The following SMARCAD1 variants were observed in gnomAD, a reference collection of about 807,000 sequenced individuals.
SMARCAD1 encodes SNF2 related chromatin remodeling ATPase with DExD box 1.
In SMARCAD1, 25 loss-of-function variants were observed where a neutral mutation model predicts 127.1. The observed-to-expected ratio is 0.20, with a 90% CI of 0.14 to 0.27. SMARCAD1 has a LOEUF of 0.27. Among genes scored for constraint, SMARCAD1 ranks in the 10% least tolerant of loss-of-function variants. The pLI, the probability that SMARCAD1 is intolerant of heterozygous loss-of-function variation, is 1.00. For synonymous variants in SMARCAD1, 400 were observed against 396.9 expected, an observed-to-expected ratio of 1.01 and a Z score of -0.09; for missense variants, 807 against 1,206.0, an observed-to-expected ratio of 0.67 and a Z score of 4.90.
chr4:94,233,155 G>A (rs545931531), intron 3 of SMARCAD1, among the ~76,000 whole-genome samples: 33 of 152,272 alleles, frequency 2.2e-4, no homozygotes, highest in African/African-American at 7.9e-4. Context: ...TAGCAGCATA[G>A]CAAAGTCTGA....
In SMARCAD1 at chr4:94,208,230, T is replaced by C. The variant is rs758604550; in HGVS notation, c.-49-116T>C. Reference sequence around the variant, plus strand: ...TAACAATGAAGCGCAGCCATAACAGTCCTGAGCCACTGGCATGTTTGCGGG... The same window carrying C: ...TAACAATGAAGCGCAGCCATAACAGCCCTGAGCCACTGGCATGTTTGCGGG... On this transcript the variant is annotated intron_variant, in intron 1 of 23. Coordinates refer to ENST00000354268, the MANE Select transcript of SMARCAD1 (RefSeq NM_020159.5). 6.5e-6 allele frequency: 5 copies of C among 766,476 alleles called. No individual in the cohort carries two copies. In the Admixed American group the frequency reaches 9.4e-5, roughly 14 times the overall value. The allele number at this position is 766,476 out of a possible 1,614,324, so 47.5% of individuals were successfully genotyped here.
chr4:94,245,441 C>T (rs1399849512), intron 6 of SMARCAD1, among the ~76,000 whole-genome samples: 1 of 152,146 alleles, frequency 6.6e-6, no homozygotes, highest in African/African-American at 2.4e-5. Flanking sequence ...GTGTGGCATC[C>T]GGATGAATTT....
In SMARCAD1 at chr4:94,258,175, C is replaced by T. The variant is rs377021984; in HGVS notation, c.1281+5168C>T. On this transcript the variant is annotated intron_variant, in intron 9 of 23. Transcript: ENST00000354268. ...TTTTTTTTTTTTCTTTTCCTTCTTT[C>T]AGACAGTCTTGCCCTGTCACCCAGG... Among the ~76,000 whole-genome samples, 10 of 149,332 alleles carry T rather than the reference C, an allele frequency of 6.7e-5. No homozygotes were observed. The East Asian group carries it at 1.6e-3, about 24-fold the overall frequency.
intron 8 of SMARCAD1, among the ~76,000 whole-genome samples, chr4:94,251,197 C>T (rs897747027): frequency 6.6e-6 from 1 of 152,094 alleles, no homozygotes; most frequent in Non-Finnish European, 1.5e-5. Flanking sequence ...ATGTAGATGT[C>T]TTAGCCTATA....
At chr4:94,273,362 T>C (rs1250211376) in intron 11 of SMARCAD1, among the ~76,000 whole-genome samples, 1 of 152,210 alleles carries the variant, frequency 6.6e-6, no homozygotes, top group Non-Finnish European at 1.5e-5. Flanking sequence ...AAGTCTTCCA[T>C]ATTAATGTGT....
intron 10 of SMARCAD1, among the ~76,000 whole-genome samples, chr4:94,266,759 C>G (rs974857318): frequency 2.0e-5 from 3 of 152,070 alleles, no homozygotes; most frequent in Non-Finnish European, 4.4e-5. Context: ...ACAAGTTCTT[C>G]ATGACGAAGT....
chr4:94,278,750 A>G lies in SMARCAD1; in HGVS notation c.2296+17A>G, dbSNP rs72665680. The stretch of plus-strand genomic sequence containing the variant: ...ATAACTTGGGTATAATCTGATTTTT[A>G]CTCTTTTATGTGAAAAAGAATCTTG... On this transcript the variant is annotated intron_variant, in intron 18 of 23. Transcript: ENST00000354268. 5.9e-3 allele frequency: 9,567 copies of G among 1,610,220 alleles called. 38 individuals are homozygous for G. The highest frequency in any genetic ancestry group is 7.5e-3 in the Non-Finnish European group (8,786 of 1,176,564).
At chr4:94,262,681 A>C (rs1478909333) in intron 9 of SMARCAD1, among the ~76,000 whole-genome samples, 1 of 152,000 alleles carries the variant, frequency 6.6e-6, no homozygotes, top group Non-Finnish European at 1.5e-5. Flanking sequence ...TTCTTTTATT[A>C]TTTCTGGCTT....
At chr4:94,289,207 T>C (rs1284621064) in intron 23 of SMARCAD1, among the ~76,000 whole-genome samples, 1 of 152,144 alleles carries the variant, frequency 6.6e-6, no homozygotes. Context: ...TACGATCCAG[T>C]GTATTACCGT....
Position 94,280,657 on chromosome 4 carries a change from C to A in SMARCAD1, c.2484C>A (p.Phe828Leu). The change falls in exon 20 of 24, where the codon TTC becomes TTA. Residue 828 changes from phenylalanine to leucine, a missense_variant. Around this residue, in one of 8 missense-constraint regions of SMARCAD1, gnomAD observed 99 missense variants for 126.0 expected, o/e 0.79. Transcript: ENST00000354268. ...AAGATATGGAAGTTATGACAGACTT[C>A]GAACTACATGTACTTTGTAAACAGT... Reference protein sequence around the residue: ...IFEDMEVMTDFELHVLCKQYR... With the variant: ...IFEDMEVMTDLELHVLCKQYR... The A allele has an allele frequency of 3.7e-6, 6 of 1,613,732 alleles. No individual in the cohort carries two copies. The highest frequency in any genetic ancestry group is 5.1e-6 in the Non-Finnish European group (6 of 1,179,848).
intron 10 of SMARCAD1, 43 bp from the exon 11 acceptor site, chr4:94,270,685 A>G: frequency 6.6e-7 from 1 of 1,517,964 alleles, no homozygotes; most frequent in Non-Finnish European, 9.1e-7. Flanking sequence ...GAAAACTGAT[A>G]GAAATATAGA....
Position 94,282,410 on chromosome 4 carries a change from A to G in SMARCAD1, c.2727-711A>G, listed in dbSNP as rs1182455048. ...CGCGCCCGGCGCAAATACGTTTTGA[A>G]ACAGCTATTAGAATTGTATTTTTTA... On this transcript the variant is annotated intron_variant, in intron 21 of 23. Coordinates refer to ENST00000354268, the MANE Select transcript of SMARCAD1 (RefSeq NM_020159.5). Among the ~76,000 whole-genome samples, 4 of 151,968 alleles carry G rather than the reference A, an allele frequency of 2.6e-5. No individual in the cohort carries two copies. In the South Asian group the frequency reaches 8.3e-4, roughly 32 times the overall value.
At position 94,289,533 on chromosome 4, in the gene SMARCAD1, GA is replaced by G. The variant is rs756373817; in HGVS notation, c.*2del. The G allele has an allele frequency of 1.2e-6, 2 of 1,612,198 alleles. No homozygotes were observed. Among genetic ancestry groups the G allele is most frequent in the Non-Finnish European group, 1.7e-6 (2 of 1,178,382 alleles). On this transcript the variant is annotated frameshift_variant and stop_lost, in exon 24 of 24. Transcript: ENST00000354268. LOFTEE classifies it high-confidence loss of function. ...TTACTAAAAACATCAATGGGCCTGT[GA>G]AATAAGAACTGTGAACTCTCAATTG... is the stretch of plus-strand genomic sequence containing the variant. Reference protein sequence around the residue: ...ATLLKTSMGL* With the variant: ...ATLLKTSMGLX
In SMARCAD1 at chr4:94,246,979, C is replaced by A. The variant is rs373946249; in HGVS notation, c.706-2675C>A. Reference sequence around the variant, plus strand: ...ACCACATCCTGTAAAGCAGCTGCAGCTGGAGTTTGATTGTTTATGATACTC... The same window carrying A: ...ACCACATCCTGTAAAGCAGCTGCAGATGGAGTTTGATTGTTTATGATACTC... On this transcript the variant is annotated intron_variant, in intron 6 of 23. Transcript: ENST00000354268. 7.7e-4 allele frequency among the ~76,000 whole-genome samples: 118 copies of A among 152,308 alleles called. 3 individuals are homozygous for A. In the South Asian group the frequency reaches 0.024, roughly 31 times the overall value.
intron 9 of SMARCAD1, chr4:94,253,560 A>T (rs975147639): frequency 9.1e-7 from 1 of 1,093,652 alleles, no homozygotes; most frequent in Admixed American, 4.8e-5. Context: ...TGGTTAAGCA[A>T]CGTGGCCATT....
rs140438812 is a variant in SMARCAD1 at position 94,229,316 on chromosome 4, A to T, written c.368+3020A>T. 7.5e-3 allele frequency among the ~76,000 whole-genome samples: 1,146 copies of T among 152,176 alleles called. 7 individuals are homozygous for T. Among genetic ancestry groups the T allele is most frequent in the African/African-American group, 0.026 (1,070 of 41,534 alleles). On this transcript the variant is annotated intron_variant, in intron 3 of 23. Transcript: ENST00000354268. ...ACTAACCAGTGTTCTAGAACTTAAC[A>T]CTTGTATTTGGTAGTCTGTAATGTT... is the stretch of plus-strand genomic sequence containing the variant.
chr4:94,287,099 C>T (rs1272070569), intron 23 of SMARCAD1, among the ~76,000 whole-genome samples: 1 of 151,998 alleles, frequency 6.6e-6, no homozygotes, highest in Non-Finnish European at 1.5e-5. Flanking sequence ...CTCCTGACCT[C>T]GTGAGCCACC....
chr4:94,252,627 G>A lies in SMARCAD1; in HGVS notation c.901G>A (p.Val301Ile), dbSNP rs996883018. The change falls in exon 9 of 24, where the codon GTA becomes ATA. Residue 301 changes from valine to isoleucine, a missense_variant. Val to Ile is a conservative substitution (Grantham distance 29, BLOSUM62 3). This residue lies in a region of SMARCAD1 where 257 missense variants were observed against 303.4 expected (regional missense o/e 0.85). Transcript: ENST00000354268. ...TCTTTTATATACAGATATGCAATAT[G>A]TATCACAAAGTGAGGTTCCAAATGG... ...VFAEDQDMQY[V>I]SQSEVPNGKE... 3 of 1,559,610 alleles carry A rather than the reference G, an allele frequency of 1.9e-6. No homozygotes were observed. Among genetic ancestry groups the A allele is most frequent in the African/African-American group, 2.8e-5 (2 of 71,918 alleles).
chr4:94,275,501 C>A (rs1362934597), intron 14 of SMARCAD1, among the ~76,000 whole-genome samples: 3 of 152,112 alleles, frequency 2.0e-5, no homozygotes, highest in Non-Finnish European at 4.4e-5. Flanking sequence ...TTTCTCTCTA[C>A]TGGCTTCTTG....
Sources: gnomAD v4.1 joint callset for allele counts (sites outside exome capture counted in the v4.1 genomes callset) on GRCh38, gnomAD v4.1.1 for gene constraint, gnomAD v4.1.1 regional missense constraint, MANE v1.5 for transcripts, NCBI Gene and HGNC (gene_info 2026-07-23, HGNC 2026-07-21) for gene names.